B4GALT6: variants seen among roughly 807,000 people sequenced by gnomAD.
The protein encoded by B4GALT6 is beta-1,4-galactosyltransferase 6.
A neutral mutation model predicts 46.3 loss-of-function variants in B4GALT6; 14 were observed. That is an observed-to-expected ratio of 0.30 (90% CI 0.20 to 0.47). B4GALT6 has a LOEUF of 0.47. B4GALT6 is among the 20% of genes least tolerant of loss of function. B4GALT6 has a pLI of 0.99. For synonymous variants in B4GALT6, 168 were observed against 162.0 expected, an observed-to-expected ratio of 1.04 and a Z score of -0.28; for missense variants, 386 against 480.1, an observed-to-expected ratio of 0.80 and a Z score of 1.83.
At chr18:31,643,111 G>C (rs1000714781) in intron 4 of B4GALT6, among the ~76,000 whole-genome samples, 38 of 152,066 alleles carry the variant, frequency 2.5e-4, no homozygotes, top group African/African-American at 8.9e-4. Flanking sequence ...GGACGGGTAG[G>C]GGGAGAAACC....
the B4GALT6 span, among the ~76,000 whole-genome samples, chr18:31,691,788 CTG>C: frequency 2.0e-5 from 3 of 152,058 alleles, no homozygotes; most frequent in East Asian, 5.8e-4. Flanking sequence ...TGAAATGTTT[CTG>C]TGTCTGAAAC....
intron 4 of B4GALT6, among the ~76,000 whole-genome samples, chr18:31,640,578 T>C (rs2073917545): frequency 6.6e-6 from 1 of 152,166 alleles, no homozygotes; most frequent in African/African-American, 2.4e-5. Flanking sequence ...AATCACAGCA[T>C]ATCTATCTGG....
the B4GALT6 span, among the ~76,000 whole-genome samples, chr18:31,709,553 A>ATGTGTGTGTGTGTG: frequency 7.9e-6 from 1 of 126,794 alleles, no homozygotes; most frequent in Admixed American, 8.5e-5. Context: ...TAGGATATAT[A>ATGTGTGTGTGTGTG]TGTGTGTGTG....
At chr18:31,684,208 G>A (rs2074514430) in intron 1 of B4GALT6, 104 bp downstream of exon 1, 1 of 1,542,400 alleles carries the variant, frequency 6.5e-7, no homozygotes, top group Non-Finnish European at 8.7e-7. Flanking sequence ...CTTTTCTGCG[G>A]GCCCCTGTTT....
intron 2 of B4GALT6, among the ~76,000 whole-genome samples, chr18:31,661,243 T>C (rs1334347744): frequency 1.3e-5 from 2 of 152,070 alleles, no homozygotes; most frequent in Admixed American, 6.6e-5. Context: ...ATAGGAAAAA[T>C]TGGGGTGAGA....
intron 2 of B4GALT6, among the ~76,000 whole-genome samples, chr18:31,659,274 G>A (rs552733481): frequency 9.2e-5 from 14 of 152,148 alleles, no homozygotes; most frequent in Non-Finnish European, 1.6e-4. Context: ...AGAATCCTGC[G>A]AATTAGATAG....
At chr18:31,672,455 A>G (rs1345770661) in intron 1 of B4GALT6, among the ~76,000 whole-genome samples, 1 of 152,214 alleles carries the variant, frequency 6.6e-6, no homozygotes, top group African/African-American at 2.4e-5. Context: ...TGAAGATCTG[A>G]TGTATGAAGA....
chr18:31,653,435 C>CTTTTTTTTTTTTT (rs5823819), intron 3 of B4GALT6, among the ~76,000 whole-genome samples: 2 of 74,148 alleles, frequency 2.7e-5, no homozygotes, highest in Non-Finnish European at 4.7e-5. Flanking sequence ...AACCTTTTTT[C>CTTTTTTTTTTTTT]TTTTTTTTTT....
chr18:31,703,000 G>A, the B4GALT6 span, among the ~76,000 whole-genome samples: 9 of 152,226 alleles, frequency 5.9e-5, no homozygotes, highest in African/African-American at 2.2e-4. Flanking sequence ...GGCCTTTGCA[G>A]TATGGGATGG....
At chr18:31,717,314 A>G in the B4GALT6 span, among the ~76,000 whole-genome samples, 1 of 152,188 alleles carries the variant, frequency 6.6e-6, no homozygotes, top group African/African-American at 2.4e-5. Context: ...AACTCAAGAA[A>G]TTAAAATAGC....
chr18:31,681,320 C>T (rs1423614936), intron 1 of B4GALT6, among the ~76,000 whole-genome samples: 2 of 152,212 alleles, frequency 1.3e-5, no homozygotes, highest in East Asian at 3.8e-4. Flanking sequence ...CAATCATGCA[C>T]AAAGGTAGAC....
intron 3 of B4GALT6, among the ~76,000 whole-genome samples, chr18:31,650,826 T>C (rs1197207832): frequency 1.3e-5 from 2 of 152,148 alleles, no homozygotes; most frequent in Non-Finnish European, 2.9e-5. Flanking sequence ...TGGAGTGCAG[T>C]GGCGCCATCT....
upstream of B4GALT6, chr18:31,684,720 C>G (rs1030075333): frequency 2.9e-5 from 33 of 1,133,200 alleles, no homozygotes; most frequent in Non-Finnish European, 3.5e-5. Flanking sequence ...CGGAAGAAAG[C>G]CGGGGAAGGG....
the B4GALT6 span, chr18:31,719,249 T>C: frequency 6.6e-6 from 1 of 152,380 alleles, no homozygotes; most frequent in Admixed American, 6.5e-5. Flanking sequence ...GAACTCAGGC[T>C]ATGCTGTAAG....
intron 3 of B4GALT6, among the ~76,000 whole-genome samples, chr18:31,646,065 G>A (rs2073987478): frequency 6.6e-6 from 1 of 152,200 alleles, no homozygotes; most frequent in African/African-American, 2.4e-5. Flanking sequence ...GCCGTGTCAG[G>A]CATTAGGTAC....
At chr18:31,627,613 T>C (rs928202687) in intron 6 of B4GALT6, among the ~76,000 whole-genome samples, 2 of 152,244 alleles carry the variant, frequency 1.3e-5, no homozygotes, top group Non-Finnish European at 2.9e-5. Flanking sequence ...ACTTTTATAA[T>C]GATCTTATCT....
intron 6 of B4GALT6, among the ~76,000 whole-genome samples, chr18:31,628,643 G>C (rs559708850): frequency 6.6e-6 from 1 of 152,306 alleles, no homozygotes; most frequent in South Asian, 2.1e-4. Context: ...TGAGTTCTCT[G>C]GTCAGCAGTA....
chr18:31,626,382 A>G lies in B4GALT6; in HGVS notation c.902T>C (p.Val301Ala). ...GGTTACATTATATCCAGCATAGTGA[A>G]CTCTACAATGCCATATATGGAAATG... ...GGEDDDLWNR[V>A]HYAGYNVTRP... The change falls in exon 8 of 9, where the codon GTT (valine) becomes GCT (alanine). Residue 301 changes from valine (V) to alanine (A), a missense_variant and splice_region_variant. Coordinates refer to ENST00000306851, the MANE Select transcript of B4GALT6 (RefSeq NM_004775.5). 3 of 1,517,846 alleles carry G rather than the reference A, an allele frequency of 2.0e-6. No homozygotes were observed. The highest frequency in any genetic ancestry group is 2.7e-6 in the Non-Finnish European group (3 of 1,098,306). 94.0% of individuals were successfully genotyped at this position (1,517,846 alleles called of 1,614,324 possible).
chr18:31,626,449 T>C, intron 7 of B4GALT6, 65 bp from the exon 8 acceptor site: 2 of 918,956 alleles, frequency 2.2e-6, no homozygotes, highest in South Asian at 3.6e-5. Flanking sequence ...TTATGTGAGT[T>C]CAATTTTAAA....
Sources: gnomAD v4.1 joint callset for allele counts (sites outside exome capture counted in the v4.1 genomes callset) on GRCh38, gnomAD v4.1.1 for gene constraint, MANE v1.5 for transcripts, NCBI Gene and HGNC (gene_info 2026-07-23, HGNC 2026-07-21) for gene names.